Variants in PODXL2 observed in about 807,000 individuals in gnomAD.
PODXL2 encodes podocalyxin-like protein 2.
A neutral mutation model predicts 53.4 loss-of-function variants in PODXL2; 17 were observed. The ratio of observed to expected loss-of-function variants is 0.32; its 90% confidence interval spans 0.22 to 0.48. The LOEUF is 0.48. PODXL2 is among the 20% of genes least tolerant of loss of function. PODXL2 has a pLI of 0.99. For missense variants in PODXL2, 673 were observed against 760.0 expected (o/e 0.89, Z 1.35); for synonymous variants, 311 against 306.7 (o/e 1.01, Z -0.15).
intron 2 of PODXL2, among the ~76,000 whole-genome samples, chr3:127,659,464 C>T (rs575196297): frequency 6.6e-6 from 1 of 152,190 alleles, no homozygotes; most frequent in East Asian, 1.9e-4. Flanking sequence ...AAAGTGTTCC[C>T]ACCACTCTCC....
intron 1 of PODXL2, among the ~76,000 whole-genome samples, chr3:127,637,218 G>A (rs1239726927): frequency 2.0e-5 from 3 of 152,178 alleles, no homozygotes; most frequent in Admixed American, 2.0e-4. Flanking sequence ...CTTAGAGGTT[G>A]GCACAGACGT....
At chr3:127,652,189 G>C (rs1425780305) in intron 2 of PODXL2, among the ~76,000 whole-genome samples, 1 of 152,224 alleles carries the variant, frequency 6.6e-6, no homozygotes, top group African/African-American at 2.4e-5. Context: ...CTTAGAGCAA[G>C]AATCCTCCTC....
At chr3:127,671,738 T>C (rs1576437987) in intron 7 of PODXL2, 125 bp downstream of exon 7, 2 of 918,832 alleles carry the variant, frequency 2.2e-6, no homozygotes, top group East Asian at 4.9e-5. Flanking sequence ...GTGAAGCAGC[T>C]GGTCAGCCTA....
intron 1 of PODXL2, among the ~76,000 whole-genome samples, chr3:127,637,631 G>GTATATATATATATATATATA (rs2074585197): frequency 6.6e-6 from 1 of 152,124 alleles, no homozygotes. Context: ...CTATTTCCTG[G>GTATATATATATATATATATA]TACCAGGCTT....
chr3:127,637,929 T>C (rs2074588640), intron 1 of PODXL2, among the ~76,000 whole-genome samples: 7 of 152,210 alleles, frequency 4.6e-5, no homozygotes. Flanking sequence ...ACCAATAATA[T>C]TAGCCCTATT....
intron 5 of PODXL2, 121 bp downstream of exon 5, chr3:127,668,718 T>C: frequency 2.1e-6 from 2 of 962,792 alleles, no homozygotes; most frequent in Non-Finnish European, 2.9e-6. Context: ...AGGACAGTAG[T>C]TTGAGCTACT....
chr3:127,669,334 T>A (rs1009890889), intron 6 of PODXL2, 132 bp downstream of exon 6: 1 of 647,370 alleles, frequency 1.5e-6, no homozygotes, highest in African/African-American at 2.0e-5. Context: ...CTGGGCAGGT[T>A]CCTTGCTTCA....
chr3:127,659,588 C>A (rs2107542309), intron 2 of PODXL2, among the ~76,000 whole-genome samples: 1 of 152,272 alleles, frequency 6.6e-6, no homozygotes, highest in Non-Finnish European at 1.5e-5. Flanking sequence ...TTCCAAAAAA[C>A]TTGTTGTATA....
Position 127,672,535 on chromosome 3 carries a change from G to A in PODXL2, c.*55G>A, listed in dbSNP as rs1056235. 219,379 of 1,187,848 alleles carry A rather than the reference G, an allele frequency of 0.18. 22,204 individuals carry two copies. Among genetic ancestry groups the A allele is most frequent in the Non-Finnish European group, 0.2 (180,852 of 884,474 alleles). The allele number at this position is 1,187,848 out of a possible 1,614,324, so 73.6% of individuals were successfully genotyped here. A position where few individuals can be genotyped will look rare whatever the true frequency, so the allele number is the denominator to read the frequency against. On this transcript the variant is annotated 3_prime_UTR_variant, in exon 8 of 8. Coordinates refer to ENST00000342480, the MANE Select transcript of PODXL2 (RefSeq NM_015720.4). ...GCCAGGACCAAGCGAGGTGGACCCC[G>A]AAACGGACGGCCCGGAGCCCGCACC...
At chr3:127,641,281 T>C (rs923085180) in intron 2 of PODXL2, among the ~76,000 whole-genome samples, 9 of 152,094 alleles carry the variant, frequency 5.9e-5, no homozygotes, top group African/African-American at 1.4e-4. Flanking sequence ...GTGATCATAG[T>C]TCACTGTAAC....
Position 127,629,298 on chromosome 3 carries a change from G to A in PODXL2, c.70+9G>A, listed in dbSNP as rs931179655. The stretch of plus-strand genomic sequence containing the variant: ...GCTTCTGCTGGTTGGGGGTGAGTGC[G>A]CTCCGGGCCCGAGCGCGGGAGGGCG... On this transcript the variant is annotated intron_variant, in intron 1 of 7. Coordinates refer to ENST00000342480, the MANE Select transcript of PODXL2 (RefSeq NM_015720.4). The surrounding 1 kb of genome is among the most constrained non-coding windows in gnomAD (Gnocchi z 6.4). 14 of 1,019,188 alleles carry A rather than the reference G, an allele frequency of 1.4e-5. No homozygotes were observed. Among genetic ancestry groups the A allele is most frequent in the Admixed American group, 1.2e-4 (2 of 16,892 alleles). The allele number at this position is 1,019,188 out of a possible 1,614,324, so 63.1% of individuals were successfully genotyped here. A position where few individuals can be genotyped will look rare whatever the true frequency, so the allele number is the denominator to read the frequency against.
intron 2 of PODXL2, among the ~76,000 whole-genome samples, chr3:127,652,807 G>A (rs1439537161): frequency 6.6e-6 from 1 of 152,164 alleles, no homozygotes; most frequent in Non-Finnish European, 1.5e-5. Context: ...AGCCTGAAGT[G>A]GATGGGGTAG....
intron 6 of PODXL2, 92 bp from the exon 7 acceptor site, chr3:127,671,342 C>T (rs1233018569): frequency 8.6e-7 from 1 of 1,163,054 alleles, no homozygotes; most frequent in Non-Finnish European, 1.3e-6. Context: ...AAGCCTGCTC[C>T]CCCATCCCCA....
At chr3:127,630,984 C>T (rs1054613163) in intron 1 of PODXL2, among the ~76,000 whole-genome samples, 2 of 152,228 alleles carry the variant, frequency 1.3e-5, no homozygotes, top group Non-Finnish European at 2.9e-5. Flanking sequence ...GGACTGCAGG[C>T]AGCCTGCCTC....
intron 2 of PODXL2, among the ~76,000 whole-genome samples, chr3:127,649,206 T>C (rs980993110): frequency 2.0e-5 from 3 of 152,220 alleles, no homozygotes; most frequent in African/African-American, 7.2e-5. Flanking sequence ...CTTAGAAACC[T>C]CTTTCCAAGC....
intron 4 of PODXL2, among the ~76,000 whole-genome samples, chr3:127,665,603 G>T (rs140421840): frequency 0.016 from 2,362 of 152,350 alleles, 34 homozygotes; most frequent in Non-Finnish European, 0.024. Flanking sequence ...CTGTAGAGAT[G>T]CAAGGATCTG....
intron 6 of PODXL2, 122 bp downstream of exon 6, chr3:127,669,324 C>A: frequency 1.5e-6 from 1 of 680,454 alleles, no homozygotes; most frequent in South Asian, 1.9e-5. Flanking sequence ...AGAGCGTGCT[C>A]TGGGCAGGTT....
chr3:127,664,765 G>A (rs537949969), intron 4 of PODXL2, among the ~76,000 whole-genome samples: 1 of 151,686 alleles, frequency 6.6e-6, no homozygotes, highest in Non-Finnish European at 1.5e-5. Context: ...GACAAAACCC[G>A]CAATTACCTT....
Position 127,672,618 on chromosome 3 carries a change from C to T in PODXL2, c.*138C>T, listed in dbSNP as rs949369033. 1.9e-5 allele frequency: 10 copies of T among 539,312 alleles called. No individual in the cohort carries two copies. The highest frequency in any genetic ancestry group is 2.0e-5 in the African/African-American group (1 of 49,620). The allele number at this position is 539,312 out of a possible 1,614,324, so 33.4% of individuals were successfully genotyped here. A position where few individuals can be genotyped will look rare whatever the true frequency, so the allele number is the denominator to read the frequency against. On this transcript the variant is annotated 3_prime_UTR_variant, in exon 8 of 8. Coordinates refer to ENST00000342480, the MANE Select transcript of PODXL2 (RefSeq NM_015720.4). ...CTGGCCCTCGGCGCGGGCTCCTTCC[C>T]GCTTCCCCCGACTTCACACGGCGGC...
Sources: allele counts gnomAD v4.1 joint callset (sites outside exome capture counted in the v4.1 genomes callset), GRCh38; gene constraint gnomAD v4.1.1; non-coding constraint Gnocchi (gnomAD v3.1); transcripts MANE v1.5; gene names NCBI Gene and HGNC (gene_info 2026-07-23, HGNC 2026-07-21).